Variants in CALD1 observed in about 807,000 individuals in gnomAD.
CALD1 encodes the protein caldesmon.
CALD1 carries 33 observed loss-of-function variants against 99.9 expected under a neutral mutation model. That is an observed-to-expected ratio of 0.33 (90% CI 0.25 to 0.44). The LOEUF is 0.44. CALD1 is among the 20% of genes least tolerant of loss of function. CALD1 has a pLI of 1.00. For missense variants in CALD1, 861 were observed against 962.1 expected (o/e 0.89, Z 1.39); for synonymous variants, 310 against 325.0 (o/e 0.95, Z 0.50).
At chr7:134,841,654 T>A (rs10255673) in intron 1 of CALD1, among the ~76,000 whole-genome samples, 17,030 of 152,198 alleles carry the variant, frequency 0.11, 1,796 homozygotes, top group African/African-American at 0.27. Context: ...ACAAAGGTGA[T>A]CATGTGCTTC....
chr7:134,718,440 G>A, the CALD1 span, among the ~76,000 whole-genome samples: 3 of 152,124 alleles, frequency 2.0e-5, no homozygotes, highest in Admixed American at 2.0e-4. Context: ...TTGAGCCGAG[G>A]CAGGTTGACT....
chr7:134,795,197 C>G lies in CALD1; in HGVS notation c.-130+15448C>G, dbSNP rs542751295. On this transcript the variant is annotated intron_variant, in intron 1 of 14. Coordinates refer to ENST00000361675, the MANE Select transcript of CALD1 (RefSeq NM_033138.4). The stretch of plus-strand genomic sequence containing the variant: ...TGAGGAAAGAAGACTGTGTCCCCAC[C>G]CAAATCTTATCTTGAATTGGAGCCC... 9.2e-5 allele frequency among the ~76,000 whole-genome samples: 14 copies of G among 152,200 alleles called. No individual in the cohort carries two copies. In the East Asian group the frequency reaches 9.6e-4, roughly 10 times the overall value.
At position 134,796,744 on chromosome 7, in the gene CALD1, G is replaced by A. The variant is rs145694192; in HGVS notation, c.-130+16995G>A. ...AAAACCACAGACACAGCACCATCAC[G>A]CCAGGCTAATTTTGTATTTTTTTGT... On this transcript the variant is annotated intron_variant, in intron 1 of 14. Coordinates refer to ENST00000361675, the MANE Select transcript of CALD1 (RefSeq NM_033138.4). 6.9e-3 allele frequency among the ~76,000 whole-genome samples: 1,054 copies of A among 151,998 alleles called. 22 individuals are homozygous for A. The highest frequency in any genetic ancestry group is 0.024 in the African/African-American group (993 of 41,438).
the CALD1 span, among the ~76,000 whole-genome samples, chr7:134,711,656 C>CTA: frequency 3.3e-3 from 227 of 68,078 alleles, 3 homozygotes; most frequent in African/African-American, 0.014. Context: ...CTCTCTCTCT[C>CTA]TCTCTATATA....
intron 3 of CALD1, among the ~76,000 whole-genome samples, chr7:134,885,352 C>T (rs565929443): frequency 1.3e-5 from 2 of 152,162 alleles, no homozygotes; most frequent in African/African-American, 4.8e-5. Flanking sequence ...AAGCACAACA[C>T]CTAAAGTATC....
the CALD1 span, among the ~76,000 whole-genome samples, chr7:134,722,556 G>A: frequency 6.6e-6 from 1 of 152,184 alleles, no homozygotes; most frequent in East Asian, 1.9e-4. Flanking sequence ...CGAGTAGCTA[G>A]GATTACAGGA....
At position 134,933,678 on chromosome 7, in the gene CALD1, C is replaced by G; in HGVS notation, c.909C>G (p.Ala303=). Residue 303 remains alanine, a synonymous_variant, in exon 5 of 15, where the codon GCC becomes GCG. Transcript: ENST00000361675. ...ARIEAEEKAA[A]QERERREAEE... is the part of the protein sequence containing the mutation. The stretch of plus-strand genomic sequence containing the variant: ...TTGAAGCAGAAGAAAAAGCAGCTGC[C>G]CAAGAAAGAGAAAGGAGAGAGGCAG... The G allele has an allele frequency of 1.3e-6, 2 of 1,591,094 alleles. No individual in the cohort carries two copies. Among genetic ancestry groups the G allele is most frequent in the Non-Finnish European group, 1.7e-6 (2 of 1,168,416 alleles).
chr7:134,836,578 T>A lies in CALD1; in HGVS notation c.-129-7306T>A, dbSNP rs182310592. On this transcript the variant is annotated intron_variant, in intron 1 of 14. Transcript: ENST00000361675. ...GGTCTTTCGTGATGAGTGGTAGTTA[T>A]ACCCAGCTCAAACTTCAGGTACACT... is the stretch of plus-strand genomic sequence containing the variant. Among the ~76,000 whole-genome samples, 22 of 152,334 alleles carry A rather than the reference T, an allele frequency of 1.4e-4. No individual in the cohort carries two copies. In the East Asian group the frequency reaches 3.9e-3, roughly 27 times the overall value.
intron 3 of CALD1, among the ~76,000 whole-genome samples, chr7:134,914,507 C>T (rs1804058635): frequency 6.6e-6 from 1 of 152,180 alleles, no homozygotes; most frequent in African/African-American, 2.4e-5. Context: ...TTCCACAGGG[C>T]CATAGCCTTT....
At chr7:134,787,125 T>G (rs1430149598) in intron 1 of CALD1, among the ~76,000 whole-genome samples, 2 of 152,258 alleles carry the variant, frequency 1.3e-5, no homozygotes, top group Non-Finnish European at 2.9e-5. Context: ...GAATAATTTC[T>G]TTCTAAAAAT....
intron 2 of CALD1, among the ~76,000 whole-genome samples, chr7:134,858,672 C>A (rs1391194026): frequency 2.6e-5 from 4 of 152,138 alleles, no homozygotes; most frequent in African/African-American, 7.2e-5. Context: ...CAGGTTCAAG[C>A]GATTCTCCTG....
Position 134,933,225 on chromosome 7 carries a change from A to T in CALD1, c.456A>T (p.Lys152Asn), listed in dbSNP as rs763604115. 5.0e-6 allele frequency: 8 copies of T among 1,610,872 alleles called. No individual in the cohort carries two copies. Among genetic ancestry groups the T allele is most frequent in the Non-Finnish European group, 6.8e-6 (8 of 1,179,094 alleles). ...ATGAAACTACCGAGAAGGAAGAAAA[A>T]AGTGAAAGTCGCCAAGAAAGATACG... ...AENETTEKEEKSESRQERYEI... is the reference protein window; with the variant it reads ...AENETTEKEENSESRQERYEI... The change falls in exon 5 of 15, where the codon AAA (lysine) becomes AAT (asparagine). Residue 152 changes from lysine (K) to asparagine (N), a missense_variant. By Grantham distance (94) the Lys-to-Asn change is moderately conservative. This residue lies in a region of CALD1 where 234 missense variants were observed against 233.1 expected (regional missense o/e 1.00). Transcript: ENST00000361675.
At position 134,958,996 on chromosome 7, in the gene CALD1, C is replaced by T. The variant is rs565462215; in HGVS notation, c.2061+706C>T. On this transcript the variant is annotated intron_variant, in intron 11 of 14. Coordinates refer to ENST00000361675, the MANE Select transcript of CALD1 (RefSeq NM_033138.4). The stretch of plus-strand genomic sequence containing the variant: ...CACTTCCTCAGAGTAGCCTTCTTTG[C>T]ACCCCCAAACTAAGTACTGCCCCCC... 2.7e-5 allele frequency among the ~76,000 whole-genome samples: 4 copies of T among 149,100 alleles called. No individual in the cohort carries two copies. The South Asian group carries it at 6.4e-4, about 24-fold the overall frequency.
At chr7:134,950,065 G>A (rs1563125979) in intron 8 of CALD1, among the ~76,000 whole-genome samples, 1 of 152,208 alleles carries the variant, frequency 6.6e-6, no homozygotes, top group South Asian at 2.1e-4. Context: ...ATCTCACTGA[G>A]CCCTCACGAA....
the CALD1 span, among the ~76,000 whole-genome samples, chr7:134,728,869 T>C: frequency 3.7e-5 from 4 of 108,518 alleles, no homozygotes; most frequent in African/African-American, 7.8e-5. Context: ...TTTTTTTTTT[T>C]TGACCCAGAG....
intron 13 of CALD1, among the ~76,000 whole-genome samples, chr7:134,962,646 G>C (rs1430635143): frequency 6.6e-6 from 1 of 152,202 alleles, no homozygotes; most frequent in Admixed American, 6.5e-5. Context: ...TGCTATTTGT[G>C]GGTAGAATTT....
intron 3 of CALD1, among the ~76,000 whole-genome samples, chr7:134,888,021 A>C (rs1801961980): frequency 6.6e-6 from 1 of 152,208 alleles, no homozygotes; most frequent in South Asian, 2.1e-4. Flanking sequence ...TCTGGAACAG[A>C]TCTTGTGGTC....
chr7:134,731,085 C>G, the CALD1 span, among the ~76,000 whole-genome samples: 1 of 152,106 alleles, frequency 6.6e-6, no homozygotes, highest in Non-Finnish European at 1.5e-5. Context: ...CATTTAGCCT[C>G]CCAACATCCA....
At chr7:134,745,336 C>G (rs967236813) in intron 1 of CALD1, 2 of 152,050 alleles carry the variant, frequency 1.3e-5, no homozygotes, top group South Asian at 4.2e-4. Context: ...CTTTTTCTTC[C>G]TTTTCTTCCT....
Sources: allele counts gnomAD v4.1 joint callset (sites outside exome capture counted in the v4.1 genomes callset), GRCh38; gene constraint gnomAD v4.1.1; regional missense constraint gnomAD v4.1.1; transcripts MANE v1.5; gene names NCBI Gene and HGNC (gene_info 2026-07-23, HGNC 2026-07-21).